Variants in HTR1F observed in about 807,000 individuals in gnomAD.
The protein encoded by HTR1F is 5-hydroxytryptamine receptor 1F, also known as 5-hydroxytryptamine (serotonin) receptor 1F, G protein-coupled.
HTR1F carries 17 observed loss-of-function variants against 24.0 expected under a neutral mutation model. That is an observed-to-expected ratio of 0.71 (90% CI 0.48 to 1.06). The LOEUF (loss-of-function observed/expected upper bound fraction) is 1.06. HTR1F is among the 50% of genes least tolerant of loss of function. The probability of loss-of-function intolerance (pLI) is 0.00; values close to 1 mark genes in which losing one functional copy is unlikely to be tolerated. For missense variants in HTR1F, 391 were observed against 427.8 expected (o/e 0.91, Z 0.76); for synonymous variants, 186 against 156.8 (o/e 1.19, Z -1.39).
chr3:87,988,898 C>A (rs532901101), intron 2 of HTR1F, among the ~76,000 whole-genome samples: 19 of 151,986 alleles, frequency 1.3e-4, no homozygotes, highest in African/African-American at 4.3e-4. Context: ...TTATAATATA[C>A]CTAACCACAT....
At chr3:87,848,447 C>A (rs78181458) in intron 2 of HTR1F, among the ~76,000 whole-genome samples, 2 of 151,316 alleles carry the variant, frequency 1.3e-5, no homozygotes, top group African/African-American at 4.9e-5. Context: ...AAATTTTTTC[C>A]CCTTCAAGAG....
At chr3:87,987,714 ATGTATTT>A (rs1705698586) in intron 2 of HTR1F, among the ~76,000 whole-genome samples, 1 of 74,414 alleles carries the variant, frequency 1.3e-5, no homozygotes, top group South Asian at 4.9e-4. Flanking sequence ...TATTATATAT[ATGTATTT>A]TATATATGTA....
chr3:87,966,564 T>G lies in HTR1F; in HGVS notation c.-42-24144T>G, dbSNP rs557512034. Among the ~76,000 whole-genome samples, 5 of 152,328 alleles carry G rather than the reference T, an allele frequency of 3.3e-5. No individual in the cohort carries two copies. In the East Asian group the frequency reaches 9.6e-4, roughly 29 times the overall value. ...ATTTCTTAACCTCGTTTTATGACAA[T>G]TAATATTAGGCAGAAAATGATATAT... On this transcript the variant is annotated intron_variant, in intron 2 of 2. Transcript: ENST00000319595.
chr3:87,990,250 T>C (rs1441437400), intron 2 of HTR1F, among the ~76,000 whole-genome samples: 11 of 152,224 alleles, frequency 7.2e-5, no homozygotes, highest in Non-Finnish European at 7.3e-5. Context: ...GTGGGCTCTT[T>C]GTTACATTCC....
intron 2 of HTR1F, among the ~76,000 whole-genome samples, chr3:87,935,041 A>C (rs754415610): frequency 4.6e-5 from 7 of 152,020 alleles, no homozygotes; most frequent in Non-Finnish European, 7.4e-5. Flanking sequence ...AATTTTCTTC[A>C]TTTGTTTGTA....
Position 87,802,272 on chromosome 3 carries a change from T to C in HTR1F, c.-160+9430T>C, listed in dbSNP as rs182320685. ...TCCTTCCTTCTTTTTCTTTCTTTCC[T>C]TCCCTTCTTCCCTCCCTCCCTCCCT... On this transcript the variant is annotated intron_variant, in intron 1 of 2. Coordinates refer to ENST00000319595, the MANE Select transcript of HTR1F (RefSeq NM_001322209.2). Among the ~76,000 whole-genome samples the C allele has an allele frequency of 2.6e-3, 146 of 56,242 alleles. 5 individuals are homozygous for C. Among genetic ancestry groups the C allele is most frequent in the African/African-American group, 0.01 (65 of 6,458 alleles). 36.9% of individuals were successfully genotyped at this position (56,242 alleles called of 152,430 possible).
intron 2 of HTR1F, among the ~76,000 whole-genome samples, chr3:87,943,979 G>A (rs1435894444): frequency 1.3e-5 from 2 of 152,186 alleles, no homozygotes; most frequent in African/African-American, 4.8e-5. Context: ...ATTTTCCGAT[G>A]AGCATTAGTA....
At chr3:87,889,158 C>A (rs1706024136) in intron 2 of HTR1F, among the ~76,000 whole-genome samples, 1 of 152,122 alleles carries the variant, frequency 6.6e-6, no homozygotes. Flanking sequence ...TCCCTTTCAC[C>A]TTCTACCATG....
At chr3:87,876,819 C>T (rs1427174851) in intron 2 of HTR1F, among the ~76,000 whole-genome samples, 1 of 152,022 alleles carries the variant, frequency 6.6e-6, no homozygotes, top group African/African-American at 2.4e-5. Context: ...TCTATTCAAA[C>T]TTAACTTATT....
At chr3:87,946,621 A>G (rs1449230601) in intron 2 of HTR1F, among the ~76,000 whole-genome samples, 37 of 87,314 alleles carry the variant, frequency 4.2e-4, no homozygotes, top group African/African-American at 1.5e-3. Context: ...GTATATATAT[A>G]TATATATTTT....
At chr3:87,829,044 CAAA>C (rs536460252) in intron 2 of HTR1F, among the ~76,000 whole-genome samples, 23 of 130,986 alleles carry the variant, frequency 1.8e-4, no homozygotes, top group African/African-American at 5.8e-4. Context: ...GTCAGCATAC[CAAA>C]AAAAAAAAAA....
chr3:87,926,523 G>C (rs1229629171), intron 2 of HTR1F, among the ~76,000 whole-genome samples: 1 of 151,960 alleles, frequency 6.6e-6, no homozygotes, highest in Non-Finnish European at 1.5e-5. Flanking sequence ...ATTAATCTTT[G>C]TATTTTAGAC....
chr3:87,803,371 C>G (rs934411738), intron 1 of HTR1F, among the ~76,000 whole-genome samples: 1 of 152,048 alleles, frequency 6.6e-6, no homozygotes, highest in African/African-American at 2.4e-5. Context: ...ATATATTCTC[C>G]CAGATTTACC....
In HTR1F at chr3:87,982,835, T is replaced by C. The variant is rs140408895; in HGVS notation, c.-42-7873T>C. Among the ~76,000 whole-genome samples the C allele has an allele frequency of 7.2e-4, 110 of 152,290 alleles. 1 individual carries two copies. The highest frequency in any genetic ancestry group is 2.5e-3 in the African/African-American group (102 of 41,568). On this transcript the variant is annotated intron_variant, in intron 2 of 2. Coordinates refer to ENST00000319595, the MANE Select transcript of HTR1F (RefSeq NM_001322209.2). ...AATTATCCTGCCCTCAACTCACCATTACATATAAAGGATTGGAGAACAAAT... is the reference window on the plus strand; with the variant it reads ...AATTATCCTGCCCTCAACTCACCATCACATATAAAGGATTGGAGAACAAAT...
chr3:87,842,844 A>G (rs1436122591), intron 2 of HTR1F, among the ~76,000 whole-genome samples: 1 of 151,990 alleles, frequency 6.6e-6, no homozygotes, highest in Non-Finnish European at 1.5e-5. Context: ...TTCCTCGATC[A>G]GAGATCAGAA....
At chr3:87,981,090 C>A (rs1312732661) in intron 2 of HTR1F, among the ~76,000 whole-genome samples, 1 of 152,204 alleles carries the variant, frequency 6.6e-6, no homozygotes, top group Admixed American at 6.5e-5. Context: ...CACAGCCCAG[C>A]CTTCACCTCA....
intron 2 of HTR1F, among the ~76,000 whole-genome samples, chr3:87,974,327 T>C (rs1447219298): frequency 1.3e-5 from 2 of 152,218 alleles, no homozygotes; most frequent in Non-Finnish European, 2.9e-5. Flanking sequence ...CCATATTCAG[T>C]ATTTCTATTA....
At chr3:87,971,027 C>T (rs1189324622) in intron 2 of HTR1F, among the ~76,000 whole-genome samples, 1 of 152,172 alleles carries the variant, frequency 6.6e-6, no homozygotes, top group Non-Finnish European at 1.5e-5. Flanking sequence ...CCTCCCCTTC[C>T]ACAGATGACA....
At chr3:87,921,691 T>G (rs557424687) in intron 2 of HTR1F, among the ~76,000 whole-genome samples, 3 of 152,008 alleles carry the variant, frequency 2.0e-5, no homozygotes, top group South Asian at 2.1e-4. Flanking sequence ...CTGTATTTTT[T>G]TATTTGTTAA....
Sources: gnomAD v4.1 joint callset for allele counts (sites outside exome capture counted in the v4.1 genomes callset) on GRCh38, gnomAD v4.1.1 for gene constraint, MANE v1.5 for transcripts, NCBI Gene and HGNC (gene_info 2026-07-23, HGNC 2026-07-21) for gene names.